The following CNTLN variants were observed in gnomAD, a reference collection of about 807,000 sequenced individuals.
The protein encoded by CNTLN is centlein, centrosomal protein.
Under a neutral mutation model 180.0 loss-of-function variants are expected in CNTLN, and 212 were observed. The observed-to-expected ratio is 1.18, with a 90% CI of 1.05 to 1.32. The LOEUF (loss-of-function observed/expected upper bound fraction) is 1.32. Ranked by LOEUF, CNTLN falls within the 40% of genes most tolerant of loss-of-function variation. The pLI is 0.00. For missense variants in CNTLN, 2,095 were observed against 1,610.9 expected, an observed-to-expected ratio of 1.30 and a Z score of -5.14; for synonymous variants, 722 against 563.1, an observed-to-expected ratio of 1.28 and a Z score of -3.99.
In CNTLN at chr9:17,464,596, T is replaced by A; in HGVS notation, c.3504T>A (p.Ser1168Arg). Reference sequence around the variant, plus strand: ...ATTTGGAAAGTAACAAGAGTTTTAGTGAAATGTTACAAAATCTTGATAAAA... The same window carrying A: ...ATTTGGAAAGTAACAAGAGTTTTAGAGAAATGTTACAAAATCTTGATAAAA... ...KVNLESNKSF[S>R]EMLQNLDKKV... Residue 1168 changes from serine to arginine, a missense_variant, in exon 21 of 26, where the codon AGT (serine) becomes AGA (arginine). Transcript: ENST00000380647. The A allele has an allele frequency of 6.7e-7, 1 of 1,492,412 alleles. No individual in the cohort carries two copies. Among genetic ancestry groups the A allele is most frequent in the Non-Finnish European group, 9.0e-7 (1 of 1,116,278 alleles). The allele number at this position is 1,492,412 out of a possible 1,614,324, so 92.4% of individuals were successfully genotyped here.
intron 1 of CNTLN, among the ~76,000 whole-genome samples, chr9:17,140,504 G>C (rs1391577382): frequency 6.6e-6 from 1 of 152,040 alleles, no homozygotes; most frequent in African/African-American, 2.4e-5. Context: ...ATGGTTTCAT[G>C]ATCATGGCTC....
At chr9:17,389,186 A>T (rs1348406349) in intron 14 of CNTLN, among the ~76,000 whole-genome samples, 1 of 152,104 alleles carries the variant, frequency 6.6e-6, no homozygotes, top group East Asian at 1.9e-4. Flanking sequence ...CAGGTCACAA[A>T]GGCTGTCATC....
At chr9:17,510,023 T>G in the CNTLN span, among the ~76,000 whole-genome samples, 1 of 151,674 alleles carries the variant, frequency 6.6e-6, no homozygotes, top group Non-Finnish European at 1.5e-5. Flanking sequence ...ACAATGGAGG[T>G]AAGGAAGAAT....
chr9:17,263,433 A>G (rs1264842452), intron 5 of CNTLN, among the ~76,000 whole-genome samples: 1 of 150,988 alleles, frequency 6.6e-6, no homozygotes, highest in African/African-American at 2.5e-5. Flanking sequence ...TTCTTAATCC[A>G]GTCTGTCTTT....
At chr9:17,423,197 C>T (rs1294691878) in intron 18 of CNTLN, among the ~76,000 whole-genome samples, 1 of 152,148 alleles carries the variant, frequency 6.6e-6, no homozygotes, top group Non-Finnish European at 1.5e-5. Flanking sequence ...GGTTATTGCC[C>T]AAGGCCTTTG....
rs779026338 is a variant in CNTLN at position 17,332,586 on chromosome 9, T to A, written c.1519-19T>A. The A allele has an allele frequency of 5.0e-6, 8 of 1,596,086 alleles. No individual in the cohort carries two copies. The highest frequency in any genetic ancestry group is 5.1e-6 in the Non-Finnish European group (6 of 1,172,580). The stretch of plus-strand genomic sequence containing the variant: ...CAGTGTTCCAACTAGTTCAACCATG[T>A]CCTTGTTTTATTCTCGAGGAACCAC... On this transcript the variant is annotated intron_variant, in intron 9 of 25. Transcript: ENST00000380647.
Position 17,361,176 on chromosome 9 carries a change from G to A in CNTLN, c.1887-5441G>A, listed in dbSNP as rs145590664. Among the ~76,000 whole-genome samples, 46 of 152,114 alleles carry A rather than the reference G, an allele frequency of 3.0e-4. No homozygotes were observed. In the East Asian group the frequency reaches 7.7e-3, roughly 26 times the overall value. On this transcript the variant is annotated intron_variant, in intron 12 of 25. Coordinates refer to ENST00000380647, the MANE Select transcript of CNTLN (RefSeq NM_017738.4). ...GCTGCACCCATTAACTCCTCATTTA[G>A]CATTAGATATATCTCCTAATGCTAT... is the stretch of plus-strand genomic sequence containing the variant.
chr9:17,178,784 A>G (rs974730454), intron 2 of CNTLN, among the ~76,000 whole-genome samples: 6 of 152,038 alleles, frequency 3.9e-5, no homozygotes, highest in South Asian at 2.1e-4. Context: ...CCTGCCTTCA[A>G]GCTGAGGGAG....
chr9:17,341,943 G>T (rs1821511535), intron 11 of CNTLN, among the ~76,000 whole-genome samples: 1 of 152,030 alleles, frequency 6.6e-6, no homozygotes, highest in Non-Finnish European at 1.5e-5. Flanking sequence ...AAAGATAAAG[G>T]CATCTGTACC....
chr9:17,149,144 A>T (rs993904542), intron 2 of CNTLN, among the ~76,000 whole-genome samples: 4 of 152,150 alleles, frequency 2.6e-5, no homozygotes, highest in South Asian at 2.1e-4. Context: ...AAAGGACATA[A>T]ACTCATCCTT....
At chr9:17,314,194 G>C (rs949240135) in intron 8 of CNTLN, among the ~76,000 whole-genome samples, 1 of 152,008 alleles carries the variant, frequency 6.6e-6, no homozygotes, top group African/African-American at 2.4e-5. Context: ...TGTTATAGTA[G>C]TTAAAATAGC....
At chr9:17,201,093 G>T (rs931079329) in intron 2 of CNTLN, among the ~76,000 whole-genome samples, 2 of 152,166 alleles carry the variant, frequency 1.3e-5, no homozygotes, top group African/African-American at 2.4e-5. Context: ...AGATAATCAT[G>T]TGATTTTTGT....
intron 8 of CNTLN, among the ~76,000 whole-genome samples, chr9:17,310,919 T>C (rs996606589): frequency 6.6e-6 from 1 of 152,198 alleles, no homozygotes; most frequent in Non-Finnish European, 1.5e-5. Context: ...CTTTATATAT[T>C]CTTAATATTA....
chr9:17,432,797 A>G (rs956502135), intron 18 of CNTLN, among the ~76,000 whole-genome samples: 14 of 152,262 alleles, frequency 9.2e-5, no homozygotes, highest in African/African-American at 3.4e-4. Flanking sequence ...AGGTGGGCAG[A>G]TCACCTGAGG....
intron 6 of CNTLN, among the ~76,000 whole-genome samples, chr9:17,274,586 ATTTAT>A (rs910337164): frequency 1.6e-4 from 24 of 151,892 alleles, no homozygotes; most frequent in African/African-American, 5.8e-4. Context: ...GCATGTGTTT[ATTTAT>A]TTTGGTAGCA....
chr9:17,366,592 G>T, intron 12 of CNTLN, 25 bp from the exon 13 acceptor site: 1 of 1,160,804 alleles, frequency 8.6e-7, no homozygotes, highest in Non-Finnish European at 1.3e-6. Flanking sequence ...ATGGTTTTAA[G>T]TAAATGTTTA....
intron 8 of CNTLN, among the ~76,000 whole-genome samples, chr9:17,310,953 C>T (rs1002707250): frequency 5.3e-4 from 81 of 152,008 alleles, no homozygotes; most frequent in African/African-American, 1.9e-3. Flanking sequence ...TAATATATGG[C>T]AGATATCTCA....
At chr9:17,471,256 G>GA in intron 23 of CNTLN, among the ~76,000 whole-genome samples, 1 of 151,924 alleles carries the variant, frequency 6.6e-6, no homozygotes, top group South Asian at 2.1e-4. Flanking sequence ...TAATCTTACT[G>GA]AAAAAAGTCC....
intron 2 of CNTLN, among the ~76,000 whole-genome samples, chr9:17,171,165 G>A (rs1431152756): frequency 6.6e-6 from 1 of 152,144 alleles, no homozygotes; most frequent in Non-Finnish European, 1.5e-5. Flanking sequence ...TTTGGGATTG[G>A]TTACTGGAAA....
Sources: allele counts gnomAD v4.1 joint callset (sites outside exome capture counted in the v4.1 genomes callset), GRCh38; gene constraint gnomAD v4.1.1; transcripts MANE v1.5; gene names NCBI Gene and HGNC (gene_info 2026-07-23, HGNC 2026-07-21).